The following FOXP2 variants were observed in gnomAD, a reference collection of about 807,000 sequenced individuals.
FOXP2 encodes forkhead box P2, also known as forkhead box protein P2.
A neutral mutation model predicts 115.8 loss-of-function variants in FOXP2; 12 were observed. The observed-to-expected ratio is 0.10, with a 90% CI of 0.07 to 0.17. The LOEUF (loss-of-function observed/expected upper bound fraction) is 0.17. FOXP2 is among the 10% of genes least tolerant of loss of function. The pLI is 1.00. For missense variants in FOXP2, 629 were observed against 843.5 expected (o/e 0.75, Z 3.15); for synonymous variants, 328 against 297.7 (o/e 1.10, Z -1.05).
At chr7:114,683,994 C>A (rs1808227691) in intron 16 of FOXP2, among the ~76,000 whole-genome samples, 1 of 152,052 alleles carries the variant, frequency 6.6e-6, no homozygotes, top group South Asian at 2.1e-4. Context: ...TTAAAATTTT[C>A]TGAGACTACA....
At chr7:114,176,179 T>TTCTTGTCTTG (rs67055887) in intron 1 of FOXP2, among the ~76,000 whole-genome samples, 66 of 145,374 alleles carry the variant, frequency 4.5e-4, no homozygotes, top group African/African-American at 1.1e-3. Context: ...GATTTCTCTT[T>TTCTTGTCTTG]TCTTGTCTTG....
chr7:114,639,005 A>G (rs947918476), intron 6 of FOXP2, among the ~76,000 whole-genome samples: 4 of 152,174 alleles, frequency 2.6e-5, no homozygotes, highest in Non-Finnish European at 5.9e-5. Context: ...CGGTTATATC[A>G]CTAATTTTCA....
chr7:114,123,924 T>C (rs1489314126), intron 1 of FOXP2, among the ~76,000 whole-genome samples: 1 of 152,070 alleles, frequency 6.6e-6, no homozygotes, highest in Non-Finnish European at 1.5e-5. Context: ...TTTACATATA[T>C]TAAAAAACTT....
intron 1 of FOXP2, among the ~76,000 whole-genome samples, chr7:114,260,789 A>T (rs1795728964): frequency 6.6e-6 from 1 of 152,166 alleles, no homozygotes; most frequent in South Asian, 2.1e-4. Flanking sequence ...ATCAGATCCA[A>T]GCTAGTGAAT....
intron 1 of FOXP2, among the ~76,000 whole-genome samples, chr7:114,192,545 T>A (rs971902673): frequency 1.3e-5 from 2 of 152,228 alleles, no homozygotes; most frequent in Non-Finnish European, 2.9e-5. Context: ...TGTATCTTTG[T>A]AAGAAACTAT....
intron 1 of FOXP2, among the ~76,000 whole-genome samples, chr7:114,273,641 A>G (rs1796118499): frequency 6.6e-6 from 1 of 152,028 alleles, no homozygotes; most frequent in East Asian, 1.9e-4. Context: ...TGTTAGGTAC[A>G]TACATATTAA....
intron 16 of FOXP2, among the ~76,000 whole-genome samples, chr7:114,678,316 A>G (rs558369546): frequency 1.9e-4 from 29 of 152,306 alleles, no homozygotes; most frequent in Middle Eastern, 3.4e-3. Flanking sequence ...CCTTTGCCTC[A>G]GGACAGGCAG....
chr7:114,577,063 G>T (rs746052724), intron 3 of FOXP2, among the ~76,000 whole-genome samples: 1 of 150,022 alleles, frequency 6.7e-6, no homozygotes, highest in Non-Finnish European at 1.5e-5. Flanking sequence ...ACATGTTTTA[G>T]ATTTGTAATT....
intron 1 of FOXP2, among the ~76,000 whole-genome samples, chr7:114,168,595 A>C (rs781218462): frequency 4.6e-5 from 7 of 152,230 alleles, no homozygotes; most frequent in Non-Finnish European, 1.0e-4. Flanking sequence ...GAAGCAGAGC[A>C]TAAAAGTTTG....
At chr7:114,127,061 G>T (rs1294773830) in intron 1 of FOXP2, among the ~76,000 whole-genome samples, 1 of 152,114 alleles carries the variant, frequency 6.6e-6, no homozygotes, top group African/African-American at 2.4e-5. Context: ...ATGCTCAACT[G>T]GGAAAAGACC....
chr7:114,228,127 A>C (rs1185166847), intron 1 of FOXP2, among the ~76,000 whole-genome samples: 1 of 152,066 alleles, frequency 6.6e-6, no homozygotes, highest in Non-Finnish European at 1.5e-5. Flanking sequence ...ACCATGTGGT[A>C]CAATACTATG....
At chr7:114,519,356 C>T (rs1798500255) in intron 2 of FOXP2, among the ~76,000 whole-genome samples, 1 of 152,118 alleles carries the variant, frequency 6.6e-6, no homozygotes, top group Non-Finnish European at 1.5e-5. Flanking sequence ...TGCCTCATTT[C>T]TGTATACCAG....
chr7:114,556,690 A>G (rs1235493975), intron 3 of FOXP2, among the ~76,000 whole-genome samples: 3 of 152,238 alleles, frequency 2.0e-5, no homozygotes, highest in East Asian at 3.8e-4. Context: ...AACTCTGAGG[A>G]CATCCATGGT....
At chr7:114,385,140 A>G (rs1792412932) in intron 2 of FOXP2, among the ~76,000 whole-genome samples, 1 of 151,844 alleles carries the variant, frequency 6.6e-6, no homozygotes, top group Admixed American at 6.6e-5. Flanking sequence ...ATAACTGCCC[A>G]TGTCGAGAGC....
intron 1 of FOXP2, among the ~76,000 whole-genome samples, chr7:114,127,405 G>GGCTA (rs1215531380): frequency 1.3e-5 from 2 of 152,158 alleles, no homozygotes; most frequent in East Asian, 3.9e-4. Context: ...GATCACTGGA[G>GGCTA]GCTACCTTAT....
At chr7:114,615,599 G>A (rs901263202) in intron 3 of FOXP2, among the ~76,000 whole-genome samples, 2 of 152,134 alleles carry the variant, frequency 1.3e-5, no homozygotes, top group Non-Finnish European at 2.9e-5. Context: ...CCCAGACTCA[G>A]CCTCCTCACT....
chr7:114,309,606 C>A (rs1055279684), intron 2 of FOXP2, among the ~76,000 whole-genome samples: 5 of 152,080 alleles, frequency 3.3e-5, no homozygotes, highest in Admixed American at 3.3e-4. Context: ...AGGAATGACT[C>A]AAGATTGTCT....
intron 1 of FOXP2, among the ~76,000 whole-genome samples, chr7:114,425,060 C>A (rs1451429877): frequency 6.6e-6 from 1 of 151,268 alleles, no homozygotes; most frequent in Non-Finnish European, 1.5e-5. Flanking sequence ...TTGGGTATGT[C>A]TGTGATTCTT....
intron 2 of FOXP2, among the ~76,000 whole-genome samples, chr7:114,434,963 C>T (rs1212332056): frequency 6.6e-6 from 1 of 152,132 alleles, no homozygotes; most frequent in Non-Finnish European, 1.5e-5. Flanking sequence ...CAACCATCCT[C>T]CTTGTTATAG....
Sources: gnomAD v4.1 joint callset for allele counts (sites outside exome capture counted in the v4.1 genomes callset) on GRCh38, gnomAD v4.1.1 for gene constraint, MANE v1.5 for transcripts, NCBI Gene and HGNC (gene_info 2026-07-23, HGNC 2026-07-21) for gene names.